The following TASL variants were observed in gnomAD, a reference collection of about 807,000 sequenced individuals.
TASL encodes the protein TLR adapter interacting with SLC15A4 on the lysosome.
TASL carries 6 observed loss-of-function variants against 12.9 expected under a neutral mutation model. That is an observed-to-expected ratio of 0.46 (90% CI 0.25 to 0.92). The LOEUF (loss-of-function observed/expected upper bound fraction) is 0.92. Among genes scored for constraint, TASL ranks in the 40% least tolerant of loss-of-function variants. The pLI is 0.17. For missense variants in TASL, 165 were observed against 212.8 expected, an observed-to-expected ratio of 0.78 and a Z score of 1.40; for synonymous variants, 85 against 79.3, an observed-to-expected ratio of 1.07 and a Z score of -0.38.
chrX:30,559,150 T>C lies in TASL; in HGVS notation c.*300A>G. 9.9e-6 allele frequency: 2 copies of C among 202,009 alleles called. No homozygotes were observed. Among genetic ancestry groups the C allele is most frequent in the Non-Finnish European group, 1.8e-5 (2 of 111,313 alleles). The allele number at this position is 202,009 out of a possible 1,213,427, so 16.6% of individuals were successfully genotyped here. A position where few individuals can be genotyped will look rare whatever the true frequency, so the allele number is the denominator to read the frequency against. On this transcript the variant is annotated 3_prime_UTR_variant, in exon 3 of 3. Transcript: ENST00000378962. ...TTTCATCTCATTTGACTGTCTTCTTTTTTAATTCCTATGTTTCTTCAAATG... is the reference window on the plus strand; with the variant it reads ...TTTCATCTCATTTGACTGTCTTCTTCTTTAATTCCTATGTTTCTTCAAATG...
chrX:30,574,729 T>C (rs746050753), intron 2 of TASL, among the ~76,000 whole-genome samples: 1 of 112,269 alleles, frequency 8.9e-6, no homozygotes, highest in African/African-American at 3.2e-5. Flanking sequence ...TACAGAGATA[T>C]AATTTTTAAG....
At chrX:30,565,621 G>T (rs1422226587) in intron 2 of TASL, among the ~76,000 whole-genome samples, 1 of 83,658 alleles carries the variant, frequency 1.2e-5, no homozygotes, top group African/African-American at 4.5e-5. Context: ...TATGGCTAAG[G>T]CAACTCAATT....
In TASL at chrX:30,559,216, C is replaced by T. The variant is rs1930381251; in HGVS notation, c.*234G>A. 2 of 290,297 alleles carry T rather than the reference C, an allele frequency of 6.9e-6. No homozygotes were observed. The highest frequency in any genetic ancestry group is 2.0e-4 in the South Asian group (1 of 5,051). The allele number at this position is 290,297 out of a possible 1,213,427, so 23.9% of individuals were successfully genotyped here. ...TTTTGATCATTTTTATTTTTGCTTCCTTGCTGTACACACCTCTCTTTGAAA... is the reference window on the plus strand; with the variant it reads ...TTTTGATCATTTTTATTTTTGCTTCTTTGCTGTACACACCTCTCTTTGAAA... On this transcript the variant is annotated 3_prime_UTR_variant, in exon 3 of 3. Transcript: ENST00000378962.
chrX:30,561,847 C>G (rs1455073886), intron 2 of TASL, among the ~76,000 whole-genome samples: 2 of 82,271 alleles, frequency 2.4e-5, no homozygotes, highest in Non-Finnish European at 4.5e-5. Flanking sequence ...ATGCTGAACA[C>G]ACTTATAAGG....
At chrX:30,568,184 GTCGAGATCGTGCCAC>G (rs982580708) in intron 2 of TASL, among the ~76,000 whole-genome samples, 10 of 110,970 alleles carry the variant, frequency 9.0e-5, no homozygotes, top group Non-Finnish European at 1.7e-4. Flanking sequence ...GTTGCAGTGA[GTCGAGATCGTGCCAC>G]TGCACTCCAG....
chrX:30,560,670 G>A (rs1418949219), intron 2 of TASL, among the ~76,000 whole-genome samples: 1 of 106,205 alleles, frequency 9.4e-6, no homozygotes, highest in Non-Finnish European at 1.9e-5. Flanking sequence ...GGGTGGGGGG[G>A]TCCCTAACTT....
intron 2 of TASL, among the ~76,000 whole-genome samples, chrX:30,561,353 C>T (rs1930420514): frequency 9.0e-6 from 1 of 111,415 alleles, no homozygotes; most frequent in African/African-American, 3.3e-5. Context: ...CCTCCCCTCC[C>T]TACCCCCAGC....
At chrX:30,565,084 G>A (rs141188887) in intron 2 of TASL, among the ~76,000 whole-genome samples, 1,839 of 111,846 alleles carry the variant, frequency 0.016, 19 homozygotes, top group Non-Finnish European at 0.026. Context: ...ATCATGATTA[G>A]GGCAGACTTG....
chrX:30,576,998 C>T (rs1601839918), intron 1 of TASL, 132 bp from the exon 2 acceptor site: 1 of 112,452 alleles, frequency 8.9e-6, no homozygotes, highest in Admixed American at 9.4e-5. Flanking sequence ...CAAAACTCCA[C>T]TCGTACATGC....
chrX:30,569,933 C>T (rs1450347921), intron 2 of TASL, among the ~76,000 whole-genome samples: 2 of 109,616 alleles, frequency 1.8e-5, no homozygotes, highest in African/African-American at 6.7e-5. Flanking sequence ...ATCACTTGAA[C>T]CCAGGAGGTG....
intron 2 of TASL, among the ~76,000 whole-genome samples, chrX:30,562,997 G>T (rs1304597385): frequency 9.2e-6 from 1 of 108,830 alleles, no homozygotes; most frequent in African/African-American, 3.4e-5. Context: ...AAGCTGAGAA[G>T]CAGGAGATTG....
intron 2 of TASL, among the ~76,000 whole-genome samples, chrX:30,572,338 A>C (rs2147087395): frequency 8.9e-6 from 1 of 112,272 alleles, no homozygotes; most frequent in African/African-American, 3.2e-5. Flanking sequence ...CACATTTTTG[A>C]TTGATTTTTT....
chrX:30,561,366 T>C (rs898907517), intron 2 of TASL, among the ~76,000 whole-genome samples: 3 of 111,068 alleles, frequency 2.7e-5, no homozygotes, highest in Non-Finnish European at 5.7e-5. Flanking sequence ...CCCCCAGCAA[T>C]TGTCACTGGT....
At chrX:30,565,022 G>A (rs1237065794) in intron 2 of TASL, among the ~76,000 whole-genome samples, 1 of 111,840 alleles carries the variant, frequency 8.9e-6, no homozygotes, top group Non-Finnish European at 1.9e-5. Context: ...AGAATTCCCT[G>A]CTCAGATGGC....
In TASL at chrX:30,559,871, G is replaced by T. The variant is rs142517470; in HGVS notation, c.485C>A (p.Pro162His). 6.0e-5 allele frequency: 72 copies of T among 1,210,002 alleles called. No homozygotes were observed. Among genetic ancestry groups the T allele is most frequent in the Non-Finnish European group, 1.2e-5 (11 of 895,229 alleles). The stretch of plus-strand genomic sequence containing the variant: ...AGAAATGGAATCCTCCATGGGTAAA[G>T]GAATCTCAGATGACTTCAGCAAAGG... ...YGPLLKSSEI[P>H]LPMEDSISTQ... The change falls in exon 3 of 3, where the codon CCT (proline) becomes CAT (histidine). Residue 162 changes from proline to histidine, a missense_variant. Transcript: ENST00000378962.
At chrX:30,570,719 G>A (rs746964789) in intron 2 of TASL, among the ~76,000 whole-genome samples, 1 of 112,192 alleles carries the variant, frequency 8.9e-6, no homozygotes, top group African/African-American at 3.2e-5. Flanking sequence ...GAGGGCAGCA[G>A]AGAGCACACT....
rs773306644 is a variant in TASL, at chrX:30,562,825, C to T, written c.-1-2469G>A. ...TCCCTAGGAAAGATAGCAGAATAGG[C>T]ACATGCATGTATTTTTTTTTCCTTT... On this transcript the variant is annotated intron_variant, in intron 2 of 2. Coordinates refer to ENST00000378962, the MANE Select transcript of TASL (RefSeq NM_025159.3). Among the ~76,000 whole-genome samples the T allele has an allele frequency of 2.8e-5, 3 of 108,062 alleles. No individual in the cohort carries two copies. The Admixed American group carries it at 3.0e-4, about 11-fold the overall frequency. The allele number at this position is 108,062 out of a possible 115,157, so 93.8% of individuals were successfully genotyped here. A position where few individuals can be genotyped will look rare whatever the true frequency, so the allele number is the denominator to read the frequency against.
At chrX:30,572,650 C>A (rs145025991) in intron 2 of TASL, among the ~76,000 whole-genome samples, 184 of 112,052 alleles carry the variant, frequency 1.6e-3, no homozygotes, top group African/African-American at 5.7e-3. Context: ...CTAAACAACA[C>A]AAGCGTGGAG....
intron 2 of TASL, among the ~76,000 whole-genome samples, chrX:30,567,633 G>T (rs888332691): frequency 2.7e-5 from 3 of 111,698 alleles, no homozygotes; most frequent in African/African-American, 9.8e-5. Flanking sequence ...AGAGGAAGGG[G>T]ACAAAGTTGT....
Sources: gnomAD v4.1 joint callset for allele counts (sites outside exome capture counted in the v4.1 genomes callset) on GRCh38, gnomAD v4.1.1 for gene constraint, MANE v1.5 for transcripts, NCBI Gene and HGNC (gene_info 2026-07-23, HGNC 2026-07-21) for gene names.